Variants in CNTNAP2 observed in about 807,000 individuals in gnomAD.
CNTNAP2 encodes contactin-associated protein-like 2.
A neutral mutation model predicts 155.2 loss-of-function variants in CNTNAP2; 98 were observed. The ratio of observed to expected loss-of-function variants is 0.63; its 90% CI spans 0.54 to 0.75. The LOEUF (loss-of-function observed/expected upper bound fraction) is 0.75. Among genes scored for constraint, CNTNAP2 ranks in the 30% least tolerant of loss-of-function variants. CNTNAP2 has a pLI of 0.00. For synonymous variants in CNTNAP2, 651 were observed against 631.2 expected, an observed-to-expected ratio of 1.03 and a Z score of -0.47; for missense variants, 1,727 against 1,688.1, an observed-to-expected ratio of 1.02 and a Z score of -0.40.
intron 8 of CNTNAP2, among the ~76,000 whole-genome samples, chr7:147,285,301 T>C (rs1199103929): frequency 2.6e-5 from 4 of 151,866 alleles, no homozygotes; most frequent in African/African-American, 9.7e-5. Context: ...TTAAAAACAA[T>C]TATCTCACTC....
At chr7:148,214,656 C>T (rs12535375) in intron 18 of CNTNAP2, among the ~76,000 whole-genome samples, 61,338 of 151,750 alleles carry the variant, frequency 0.4, 12,656 homozygotes, top group Non-Finnish European at 0.45. Context: ...GTACAACCTC[C>T]GCCTCCCAGG....
intron 4 of CNTNAP2, among the ~76,000 whole-genome samples, chr7:147,065,974 ACT>A (rs1314852325): frequency 6.6e-6 from 1 of 152,016 alleles, no homozygotes; most frequent in African/African-American, 2.4e-5. Flanking sequence ...TCCTTTCCAA[ACT>A]CTGAAGTATA....
At chr7:148,381,980 A>G (rs938234543) in intron 21 of CNTNAP2, among the ~76,000 whole-genome samples, 9 of 152,248 alleles carry the variant, frequency 5.9e-5, no homozygotes. Flanking sequence ...TCTCCAGGGC[A>G]TCAGAATCCT....
intron 12 of CNTNAP2, among the ~76,000 whole-genome samples, chr7:147,583,442 C>T (rs1161909321): frequency 6.7e-6 from 1 of 148,184 alleles, no homozygotes; most frequent in East Asian, 2.0e-4. Context: ...TTTTTCCAAA[C>T]TTTTAAAATG....
intron 1 of CNTNAP2, among the ~76,000 whole-genome samples, chr7:146,200,311 T>G (rs993575359): frequency 6.6e-6 from 1 of 152,004 alleles, no homozygotes; most frequent in South Asian, 2.1e-4. Flanking sequence ...CTGGCCCACA[T>G]GGTGAAACCC....
At chr7:148,062,196 G>A (rs1803170716) in intron 15 of CNTNAP2, among the ~76,000 whole-genome samples, 2 of 151,552 alleles carry the variant, frequency 1.3e-5, no homozygotes, top group Admixed American at 1.3e-4. Context: ...AAGCCTGAAT[G>A]GAAAATAATG....
intron 8 of CNTNAP2, among the ~76,000 whole-genome samples, chr7:147,213,244 A>G (rs1302006216): frequency 1.3e-5 from 2 of 152,094 alleles, no homozygotes; most frequent in Admixed American, 6.6e-5. Flanking sequence ...ACAGAAGCAA[A>G]TTCACCCTCT....
At chr7:147,751,605 G>A (rs1215121343) in intron 13 of CNTNAP2, among the ~76,000 whole-genome samples, 2 of 152,172 alleles carry the variant, frequency 1.3e-5, no homozygotes, top group Non-Finnish European at 2.9e-5. Context: ...GAATAAAAGG[G>A]GATGAAATGT....
At chr7:147,988,756 G>T (rs527731643) in intron 15 of CNTNAP2, among the ~76,000 whole-genome samples, 1 of 152,132 alleles carries the variant, frequency 6.6e-6, no homozygotes, top group Non-Finnish European at 1.5e-5. Flanking sequence ...TTGAATCCCC[G>T]TAATTTGGTT....
At chr7:146,788,068 C>T (rs1236612158) in intron 2 of CNTNAP2, among the ~76,000 whole-genome samples, 1 of 152,228 alleles carries the variant, frequency 6.6e-6, no homozygotes. Flanking sequence ...CTTCACCTCT[C>T]AATGGCACTG....
At chr7:146,980,671 G>A (rs1797998465) in intron 3 of CNTNAP2, among the ~76,000 whole-genome samples, 5 of 152,108 alleles carry the variant, frequency 3.3e-5, no homozygotes, top group Admixed American at 3.3e-4. Context: ...AGCAAGGTGG[G>A]AGGTGCCATG....
chr7:147,572,207 G>A (rs1425453408), intron 12 of CNTNAP2, among the ~76,000 whole-genome samples: 1 of 152,092 alleles, frequency 6.6e-6, no homozygotes, highest in African/African-American at 2.4e-5. Flanking sequence ...GCTTCTGCCT[G>A]CCAGGCTTTC....
intron 13 of CNTNAP2, among the ~76,000 whole-genome samples, chr7:147,832,908 C>T (rs1798576375): frequency 6.7e-6 from 1 of 149,042 alleles, no homozygotes; most frequent in Non-Finnish European, 1.5e-5. Flanking sequence ...GGCTTAATAA[C>T]TCTGAGTCAA....
At chr7:147,750,810 G>A (rs565678896) in intron 13 of CNTNAP2, among the ~76,000 whole-genome samples, 2 of 152,082 alleles carry the variant, frequency 1.3e-5, no homozygotes, top group African/African-American at 2.4e-5. Flanking sequence ...AGGCCAAGGC[G>A]GGTAGATCAC....
intron 13 of CNTNAP2, among the ~76,000 whole-genome samples, chr7:147,894,492 G>A (rs1360592022): frequency 6.6e-6 from 1 of 152,146 alleles, no homozygotes; most frequent in South Asian, 2.1e-4. Context: ...AGTGAAAAGC[G>A]TGTTTGTGCT....
In CNTNAP2 at chr7:148,413,369, G is replaced by A. The variant is rs1341351835; in HGVS notation, c.3797-2048G>A. On this transcript the variant is annotated intron_variant, in intron 23 of 23. Transcript: ENST00000361727. Reference sequence around the variant, plus strand: ...ATCGTGCCATTGCACTCCAGCCTGGGCAACAAGAGTGAAACTCCGTCTCAA... The same window carrying A: ...ATCGTGCCATTGCACTCCAGCCTGGACAACAAGAGTGAAACTCCGTCTCAA... 3.5e-5 allele frequency among the ~76,000 whole-genome samples: 4 copies of A among 115,486 alleles called. No individual in the cohort carries two copies. The East Asian group carries it at 9.8e-4, about 28-fold the overall frequency. 75.8% of individuals were successfully genotyped at this position (115,486 alleles called of 152,430 possible).
At chr7:147,193,335 C>T (rs559017420) in intron 8 of CNTNAP2, among the ~76,000 whole-genome samples, 2 of 152,302 alleles carry the variant, frequency 1.3e-5, no homozygotes, top group Admixed American at 6.5e-5. Flanking sequence ...CTAAGCCTGT[C>T]GAACAGGCTG....
At chr7:147,054,055 C>T (rs1799516779) in intron 4 of CNTNAP2, among the ~76,000 whole-genome samples, 2 of 152,150 alleles carry the variant, frequency 1.3e-5, no homozygotes, top group Non-Finnish European at 2.9e-5. Flanking sequence ...TAGAGCATAG[C>T]TTCCTCTCTG....
intron 1 of CNTNAP2, among the ~76,000 whole-genome samples, chr7:146,594,173 T>A (rs1798825156): frequency 6.6e-6 from 1 of 152,188 alleles, no homozygotes; most frequent in Admixed American, 6.5e-5. Flanking sequence ...GTATCAGGAA[T>A]TGAACCCAGT....
Sources: allele counts gnomAD v4.1 joint callset (sites outside exome capture counted in the v4.1 genomes callset), GRCh38; gene constraint gnomAD v4.1.1; transcripts MANE v1.5; gene names NCBI Gene and HGNC (gene_info 2026-07-23, HGNC 2026-07-21).